B3GAT2: variants seen among roughly 807,000 people sequenced by gnomAD.
B3GAT2 encodes galactosylgalactosylxylosylprotein 3-beta-glucuronosyltransferase 2.
A neutral mutation model predicts 27.8 loss-of-function variants in B3GAT2; 26 were observed. That is an observed-to-expected ratio of 0.93 (90% CI 0.68 to 1.30). B3GAT2 has a LOEUF of 1.30. B3GAT2 is among the 50% of genes most tolerant of loss of function. B3GAT2 has a pLI of 0.00. For synonymous variants in B3GAT2, 218 were observed against 195.1 expected, an observed-to-expected ratio of 1.12 and a Z score of -0.98; for missense variants, 458 against 459.0, an observed-to-expected ratio of 1.00 and a Z score of 0.02.
In B3GAT2 at chr6:70,934,366, C is replaced by A. The variant is rs183715274; in HGVS notation, c.591+21473G>T. 5.0e-4 allele frequency among the ~76,000 whole-genome samples: 75 copies of A among 151,206 alleles called. No homozygotes were observed. The East Asian group carries it at 7.8e-3, about 16-fold the overall frequency. On this transcript the variant is annotated intron_variant, in intron 1 of 3. Coordinates refer to ENST00000230053, the MANE Select transcript of B3GAT2 (RefSeq NM_080742.3). ...CTCTCGCTCTGCCCCCCACCCCCGC[C>A]CCACCCCACTTCACATCACCCTTCT...
At chr6:70,922,836 G>A (rs919998185) in intron 1 of B3GAT2, among the ~76,000 whole-genome samples, 16 of 152,214 alleles carry the variant, frequency 1.1e-4, no homozygotes, top group African/African-American at 3.4e-4. Context: ...ATCAATGAGC[G>A]ATAGACAATA....
intron 1 of B3GAT2, among the ~76,000 whole-genome samples, chr6:70,916,114 A>G (rs1772768700): frequency 6.6e-6 from 1 of 151,942 alleles, no homozygotes; most frequent in South Asian, 2.1e-4. Flanking sequence ...GAGGTCCTTC[A>G]CATCCCTTGT....
At chr6:70,953,688 TA>T (rs538788583) in intron 1 of B3GAT2, among the ~76,000 whole-genome samples, 9 of 152,370 alleles carry the variant, frequency 5.9e-5, no homozygotes, top group Admixed American at 1.3e-4. Flanking sequence ...ACCTCACCAT[TA>T]AAAAATGTTG....
intron 2 of B3GAT2, 62 bp from the exon 3 acceptor site, chr6:70,862,040 TG>T: frequency 6.8e-7 from 1 of 1,476,126 alleles, no homozygotes; most frequent in South Asian, 1.4e-5. Flanking sequence ...TCTTTTTTTC[TG>T]TATAATTTTG....
Position 70,860,890 on chromosome 6 carries a change from C to G in B3GAT2, c.*773G>C. On this transcript the variant is annotated 3_prime_UTR_variant, in exon 4 of 4. Transcript: ENST00000230053. Reference sequence around the variant, plus strand: ...ACGTGATTAGTGAAAGGAAGATAAACGTGGATGTTACTCCAAAACTTCGTT... The same window carrying G: ...ACGTGATTAGTGAAAGGAAGATAAAGGTGGATGTTACTCCAAAACTTCGTT... 1 of 390,654 alleles carries G rather than the reference C, an allele frequency of 2.6e-6. No homozygotes were observed. The highest frequency in any genetic ancestry group is 4.5e-6 in the Non-Finnish European group (1 of 221,120). 24.2% of individuals were successfully genotyped at this position (390,654 alleles called of 1,614,324 possible).
chr6:70,917,707 T>C (rs912858927), intron 1 of B3GAT2, among the ~76,000 whole-genome samples: 3 of 152,226 alleles, frequency 2.0e-5, no homozygotes, highest in South Asian at 2.1e-4. Context: ...TTGTGCAGTT[T>C]TGAGTGAGTT....
At chr6:70,895,312 TTAAA>T (rs1489315332) in intron 1 of B3GAT2, among the ~76,000 whole-genome samples, 13 of 152,086 alleles carry the variant, frequency 8.5e-5, no homozygotes, top group Non-Finnish European at 1.6e-4. Context: ...TAACCAGTGG[TTAAA>T]TAATGAACAT....
At chr6:70,862,103 A>C in intron 2 of B3GAT2, 125 bp from the exon 3 acceptor site, 1 of 852,850 alleles carries the variant, frequency 1.2e-6, no homozygotes, top group Non-Finnish European at 1.8e-6. Context: ...GTCTTGGTTT[A>C]CAAAGTTGAA....
chr6:70,862,184 T>G (rs1164765475), intron 2 of B3GAT2, among the ~76,000 whole-genome samples: 1 of 152,162 alleles, frequency 6.6e-6, no homozygotes, highest in Non-Finnish European at 1.5e-5. Flanking sequence ...CCGTGTAAAA[T>G]AAAGGCGTGC....
At chr6:70,890,553 A>G (rs1389098889) in intron 2 of B3GAT2, among the ~76,000 whole-genome samples, 1 of 152,226 alleles carries the variant, frequency 6.6e-6, no homozygotes, top group Admixed American at 6.5e-5. Context: ...TAATTTGTAT[A>G]ATTACAGCAC....
chr6:70,866,896 ATAGT>A (rs1169255633), intron 2 of B3GAT2, among the ~76,000 whole-genome samples: 3 of 152,244 alleles, frequency 2.0e-5, no homozygotes, highest in Non-Finnish European at 4.4e-5. Flanking sequence ...CATTATCACG[ATAGT>A]TAGACCATAG....
chr6:70,914,240 G>A lies in B3GAT2; in HGVS notation c.592-19968C>T, dbSNP rs927423769. On this transcript the variant is annotated intron_variant, in intron 1 of 3. Coordinates refer to ENST00000230053, the MANE Select transcript of B3GAT2 (RefSeq NM_080742.3). ...GCTGGTATGCTGCACCCATCAACTC[G>A]TCATTTACATTAGGTATTTCTCCTA... Among the ~76,000 whole-genome samples the A allele has an allele frequency of 6.6e-5, 10 of 152,064 alleles. No individual in the cohort carries two copies. The East Asian group carries it at 1.2e-3, about 18-fold the overall frequency.
intron 1 of B3GAT2, among the ~76,000 whole-genome samples, chr6:70,900,912 A>T (rs564137726): frequency 6.6e-6 from 1 of 152,294 alleles, no homozygotes; most frequent in African/African-American, 2.4e-5. Context: ...AAAATGTGAC[A>T]CTCTGTATCC....
At chr6:70,942,950 G>A (rs1255822483) in intron 1 of B3GAT2, among the ~76,000 whole-genome samples, 2 of 152,126 alleles carry the variant, frequency 1.3e-5, no homozygotes, top group Admixed American at 6.6e-5. Flanking sequence ...TACAATTTAG[G>A]AATATCTGCA....
chr6:70,865,413 C>T (rs1771833741), intron 2 of B3GAT2, among the ~76,000 whole-genome samples: 1 of 152,138 alleles, frequency 6.6e-6, no homozygotes, highest in Non-Finnish European at 1.5e-5. Context: ...CTACAGCAGC[C>T]AGTCAAAATA....
intron 1 of B3GAT2, among the ~76,000 whole-genome samples, chr6:70,935,988 G>A (rs1201205811): frequency 1.3e-5 from 2 of 151,616 alleles, no homozygotes; most frequent in Admixed American, 1.3e-4. Flanking sequence ...ACCCATCAGT[G>A]TGCTGTATTC....
intron 1 of B3GAT2, among the ~76,000 whole-genome samples, chr6:70,924,775 T>C (rs1772926199): frequency 6.6e-6 from 1 of 151,956 alleles, no homozygotes; most frequent in South Asian, 2.1e-4. Flanking sequence ...TAATAGCCCT[T>C]CCCCCAAACT....
chr6:70,900,533 C>A (rs886668189), intron 1 of B3GAT2, among the ~76,000 whole-genome samples: 28 of 152,170 alleles, frequency 1.8e-4, no homozygotes, highest in Admixed American at 1.6e-3. Context: ...AGATTACAGG[C>A]ATGCCATGCC....
chr6:70,885,140 G>T (rs1772163388), intron 2 of B3GAT2, among the ~76,000 whole-genome samples: 1 of 152,164 alleles, frequency 6.6e-6, no homozygotes, highest in African/African-American at 2.4e-5. Context: ...GGACTCTTAG[G>T]AAAGTCGAGG....
Sources: gnomAD v4.1 joint callset for allele counts (sites outside exome capture counted in the v4.1 genomes callset) on GRCh38, gnomAD v4.1.1 for gene constraint, MANE v1.5 for transcripts, NCBI Gene and HGNC (gene_info 2026-07-23, HGNC 2026-07-21) for gene names.